ALDH7A1: variants seen among roughly 807,000 people sequenced by gnomAD.
The protein encoded by ALDH7A1 is alpha-aminoadipic semialdehyde dehydrogenase.
ALDH7A1 carries 63 observed loss-of-function variants against 79.9 expected under a neutral mutation model. The observed-to-expected ratio is 0.79, with a 90% confidence interval of 0.64 to 0.97. The LOEUF is 0.97. Ranked by LOEUF, ALDH7A1 falls within the 50% of genes least tolerant of loss-of-function variation. The pLI, the probability that ALDH7A1 is intolerant of heterozygous loss-of-function variation, is 0.00. For synonymous variants in ALDH7A1, 240 were observed against 231.2 expected (o/e 1.04, Z -0.34); for missense variants, 627 against 665.2 (o/e 0.94, Z 0.63).
At chr5:126,555,904 G>T in intron 12 of ALDH7A1, 27 bp downstream of exon 12, 6 of 1,551,944 alleles carry the variant, frequency 3.9e-6, no homozygotes, top group East Asian at 2.2e-5. Context: ...AAAAGGGATC[G>T]CTTTGAAAGC....
At chr5:126,571,176 T>C (rs1015308479) in intron 7 of ALDH7A1, 1 of 305,582 alleles carries the variant, frequency 3.3e-6, no homozygotes, top group Non-Finnish European at 6.1e-6. Context: ...TTTTTTTTTT[T>C]AGCCCTAAAA....
chr5:126,573,680 G>C, intron 7 of ALDH7A1, among the ~76,000 whole-genome samples: 1 of 146,398 alleles, frequency 6.8e-6, no homozygotes, highest in Middle Eastern at 3.7e-3. Flanking sequence ...CCTGGTGACA[G>C]AGCAAGACTC....
chr5:126,560,860 C>G (rs549886161), intron 10 of ALDH7A1, among the ~76,000 whole-genome samples: 168 of 152,300 alleles, frequency 1.1e-3, no homozygotes, highest in African/African-American at 3.9e-3. Flanking sequence ...TCTAGATCAT[C>G]CCAGGTAACA....
At position 126,592,711 on chromosome 5, in the gene ALDH7A1, CAT is replaced by C; in HGVS notation, c.263_264del (p.Tyr88Ter). 6.2e-7 allele frequency: 1 copy of C among 1,614,062 alleles called. No individual in the cohort carries two copies. Among genetic ancestry groups the C allele is most frequent in the African/African-American group, 1.3e-5 (1 of 75,044 alleles). ...ARVRQASVAD[Y>X]EETVKKAREA... ...TCTCTTGCTTTCTTTACAGTTTCTT[CAT>C]AGTCTGCCACACTGGCCTAAATTAA... On this transcript the variant is annotated frameshift_variant, in exon 3 of 18. Coordinates refer to ENST00000409134, the MANE Select transcript of ALDH7A1 (RefSeq NM_001182.5). LOFTEE classifies it high-confidence loss of function.
At chr5:126,576,745 G>A (rs1301112391) in intron 6 of ALDH7A1, among the ~76,000 whole-genome samples, 2 of 152,024 alleles carry the variant, frequency 1.3e-5, no homozygotes, top group Non-Finnish European at 2.9e-5. Context: ...GGCCAACATC[G>A]TGAAACCCCA....
rs145619200 is a variant in ALDH7A1 at position 126,591,884 on chromosome 5, G to A, written c.312+780C>T. 621 of 152,078 alleles carry A rather than the reference G, an allele frequency of 4.1e-3. 3 individuals carry two copies. The highest frequency in any genetic ancestry group is 9.1e-3 in the Admixed American group (138 of 15,196). 9.4% of individuals were successfully genotyped at this position (152,078 alleles called of 1,614,324 possible). ...CTCACAGCCTGATTAGACAGTCAAG[G>A]AACATGAGCCTCTGGCCCTGAGAAA... On this transcript the variant is annotated intron_variant, in intron 3 of 17. Coordinates refer to ENST00000409134, the MANE Select transcript of ALDH7A1 (RefSeq NM_001182.5).
intron 11 of ALDH7A1, among the ~76,000 whole-genome samples, chr5:126,557,404 T>G (rs1171350662): frequency 1.3e-5 from 2 of 151,884 alleles, no homozygotes; most frequent in African/African-American, 4.8e-5. Context: ...CTGGCCAACA[T>G]GGCAAAATCC....
intron 16 of ALDH7A1, among the ~76,000 whole-genome samples, chr5:126,549,241 C>T (rs919217171): frequency 3.3e-5 from 5 of 151,996 alleles, no homozygotes; most frequent in African/African-American, 1.2e-4. Context: ...CAGCAAAGTC[C>T]GTGCATCAAA....
chr5:126,579,556 G>C lies in ALDH7A1; in HGVS notation c.518-2345C>G, dbSNP rs568649370. ...TGCCTTATAGCTCGAGTATCACCTA[G>C]TAGACTACCCGGCACCTGATAGATG... is the stretch of plus-strand genomic sequence containing the variant. On this transcript the variant is annotated intron_variant, in intron 5 of 17. Transcript: ENST00000409134. Among the ~76,000 whole-genome samples the C allele has an allele frequency of 2.7e-4, 41 of 152,106 alleles. No individual in the cohort carries two copies. In the South Asian group the frequency reaches 5.0e-3, roughly 18 times the overall value.
At chr5:126,574,470 T>A (rs909879817) in intron 7 of ALDH7A1, among the ~76,000 whole-genome samples, 4 of 149,924 alleles carry the variant, frequency 2.7e-5, no homozygotes, top group Non-Finnish European at 4.4e-5. Context: ...CTGAGGCAGG[T>A]GGATCATGAG....
intron 9 of ALDH7A1, among the ~76,000 whole-genome samples, chr5:126,564,975 C>G (rs1015292637): frequency 2.6e-5 from 4 of 152,168 alleles, no homozygotes; most frequent in Non-Finnish European, 4.4e-5. Flanking sequence ...ACTACTATTA[C>G]TACTTAGCCA....
intron 9 of ALDH7A1, chr5:126,564,570 A>G (rs1009273403): frequency 5.6e-6 from 7 of 1,248,372 alleles, no homozygotes; most frequent in Middle Eastern, 2.1e-4. Context: ...ACAACAGCAG[A>G]GTATCTTCTC....
At chr5:126,584,876 G>C (rs1328905209) in intron 3 of ALDH7A1, among the ~76,000 whole-genome samples, 1 of 152,026 alleles carries the variant, frequency 6.6e-6, no homozygotes, top group South Asian at 2.1e-4. Flanking sequence ...ATCAGGTTTT[G>C]GGGGTAAAGA....
rs558591639 is a variant in ALDH7A1, at chr5:126,552,835, G to A, written c.1201-698C>T. Among the ~76,000 whole-genome samples, 10 of 149,232 alleles carry A rather than the reference G, an allele frequency of 6.7e-5. No homozygotes were observed. In the South Asian group the frequency reaches 1.9e-3, roughly 29 times the overall value. On this transcript the variant is annotated intron_variant, in intron 13 of 17. Coordinates refer to ENST00000409134, the MANE Select transcript of ALDH7A1 (RefSeq NM_001182.5). ...CATCATCATGACTCATTGCAGCCTC[G>A]AACTTGTGGGCTCAAGCAATCCTCC...
chr5:126,592,768 A>G, intron 2 of ALDH7A1, 39 bp from the exon 3 acceptor site: 1 of 1,573,214 alleles, frequency 6.4e-7, no homozygotes, highest in Non-Finnish European at 8.7e-7. Flanking sequence ...GGGGAAATAA[A>G]GAGAAATGAT....
chr5:126,549,640 T>C, intron 16 of ALDH7A1: 1 of 345,774 alleles, frequency 2.9e-6, no homozygotes, highest in Non-Finnish European at 5.3e-6. Flanking sequence ...TTAATCTTTT[T>C]TGGGTCTGGA....
rs1181991285 is a variant in ALDH7A1, at chr5:126,568,282, C to T, written c.848G>A (p.Gly283Asp). The change falls in exon 9 of 18, where the codon GGC becomes GAC. Residue 283 changes from glycine to aspartate, a missense_variant. Transcript: ENST00000409134. ...TGSTQVGKQVGLMVQERFGRS... is the reference protein window; with the variant it reads ...TGSTQVGKQVDLMVQERFGRS... The stretch of plus-strand genomic sequence containing the variant: ...ACCAAACCTCTCCTGCACCATCAGG[C>T]CCACCTGTTTTCCCACCTGAGTGCT... The T allele has an allele frequency of 6.2e-7, 1 of 1,614,158 alleles. No homozygotes were observed. The highest frequency in any genetic ancestry group is 1.7e-5 in the Admixed American group (1 of 60,014).
chr5:126,562,202 ATTAATTT>A (rs1209068329), intron 9 of ALDH7A1: 1 of 105,020 alleles, frequency 9.5e-6, no homozygotes, highest in Non-Finnish European at 1.9e-5. Context: ...TTTTATTTTT[ATTAATTT>A]TTTTTTTTTT....
intron 9 of ALDH7A1, among the ~76,000 whole-genome samples, chr5:126,566,091 G>T (rs1750572304): frequency 6.6e-6 from 1 of 152,134 alleles, no homozygotes; most frequent in African/African-American, 2.4e-5. Flanking sequence ...GTGAATTTTA[G>T]AATTAACTTG....
Sources: allele counts gnomAD v4.1 joint callset (sites outside exome capture counted in the v4.1 genomes callset), GRCh38; gene constraint gnomAD v4.1.1; transcripts MANE v1.5; gene names NCBI Gene and HGNC (gene_info 2026-07-23, HGNC 2026-07-21).